PCDHGB3: variants seen among roughly 807,000 people sequenced by gnomAD.
PCDHGB3 encodes protocadherin gamma subfamily B, 3, also known as protocadherin gamma-B3.
PCDHGB3 carries 40 observed loss-of-function variants against 59.2 expected under a neutral mutation model. That is an observed-to-expected ratio of 0.68 (90% confidence interval 0.52 to 0.88). PCDHGB3 has a LOEUF of 0.88. PCDHGB3 is among the 40% of genes least tolerant of loss of function. The pLI is 0.00. For synonymous variants in PCDHGB3, 581 were observed against 503.6 expected, an observed-to-expected ratio of 1.15 and a Z score of -2.06; for missense variants, 1,309 against 1,187.9, an observed-to-expected ratio of 1.10 and a Z score of -1.50.
At chr5:141,380,975 T>C (rs1776901580) in intron 1 of PCDHGB3, among the ~76,000 whole-genome samples, 2 of 152,246 alleles carry the variant, frequency 1.3e-5, no homozygotes, top group Non-Finnish European at 2.9e-5. Flanking sequence ...ATTAAACAAA[T>C]AGAATTTAAC....
chr5:141,394,661 C>T (rs1471316947), intron 1 of PCDHGB3: 1 of 1,613,378 alleles, frequency 6.2e-7, no homozygotes, highest in Non-Finnish European at 8.5e-7. Flanking sequence ...AGCCGGGACT[C>T]TTCTCGGTGG....
intron 1 of PCDHGB3, among the ~76,000 whole-genome samples, chr5:141,386,528 T>G (rs1181319415): frequency 6.6e-6 from 1 of 152,148 alleles, no homozygotes; most frequent in African/African-American, 2.4e-5. Context: ...AAGACTCTTT[T>G]TAGACTAGTG....
intron 2 of PCDHGB3, among the ~76,000 whole-genome samples, chr5:141,503,269 C>T (rs1161751693): frequency 6.6e-6 from 1 of 152,116 alleles, no homozygotes; most frequent in Non-Finnish European, 1.5e-5. Flanking sequence ...ACCCCAGCAC[C>T]TGGCTCTGTG....
At chr5:141,390,432 C>A in intron 1 of PCDHGB3, 2 of 985,350 alleles carry the variant, frequency 2.0e-6, no homozygotes, top group Admixed American at 2.8e-5. Context: ...GCTGTCATAT[C>A]ATTCTACAAA....
At chr5:141,471,444 A>G (rs1366430114) in intron 1 of PCDHGB3, 1 of 152,150 alleles carries the variant, frequency 6.6e-6, no homozygotes, top group Non-Finnish European at 1.5e-5. Context: ...AATCTCATGT[A>G]CCTTTTGAAA....
At chr5:141,384,512 G>A (rs1780165876) in intron 1 of PCDHGB3, 1 of 1,614,062 alleles carries the variant, frequency 6.2e-7, no homozygotes, top group Admixed American at 1.7e-5. Context: ...CATGACAGCG[G>A]GGACCCGCCT....
At position 141,430,895 on chromosome 5, in the gene PCDHGB3, G is replaced by A. The variant is rs775296800; in HGVS notation, c.2415+58086G>A. 6.9e-6 allele frequency: 11 copies of A among 1,605,692 alleles called. No individual in the cohort carries two copies. The Admixed American group carries it at 1.0e-4, about 15-fold the overall frequency. ...AGAGCTGGAGAAAGGCTCTAGGGTG[G>A]GCGACATCTCCAGGGACCTGGGGCT... On this transcript the variant is annotated intron_variant, in intron 1 of 3. Coordinates refer to ENST00000576222, the MANE Select transcript of PCDHGB3 (RefSeq NM_018924.5).
chr5:141,462,418 T>A (rs1187388192), intron 1 of PCDHGB3, among the ~76,000 whole-genome samples: 2 of 152,250 alleles, frequency 1.3e-5, no homozygotes, highest in African/African-American at 2.4e-5. Context: ...ATATGGTCTA[T>A]CTTGGTGAGT....
At chr5:141,422,604 T>C in intron 1 of PCDHGB3, 1 of 1,614,030 alleles carries the variant, frequency 6.2e-7, no homozygotes, top group Non-Finnish European at 8.5e-7. Flanking sequence ...CCTCTTACTC[T>C]GCCTACATTC....
chr5:141,384,334 C>A (rs1779970411), intron 1 of PCDHGB3: 1 of 1,613,728 alleles, frequency 6.2e-7, no homozygotes, highest in African/African-American at 1.3e-5. Context: ...TGCACAGGAC[C>A]ACGACAGTGA....
At chr5:141,383,574 C>CG in intron 1 of PCDHGB3, 1 of 1,613,366 alleles carries the variant, frequency 6.2e-7, no homozygotes, top group African/African-American at 1.3e-5. Flanking sequence ...GATCCAGCAC[C>CG]GCCCACATCC....
At chr5:141,433,202 T>C (rs1433315739) in intron 1 of PCDHGB3, 2 of 1,578,202 alleles carry the variant, frequency 1.3e-6, no homozygotes, top group Non-Finnish European at 1.7e-6. Context: ...ATATCAAATC[T>C]TCTTTCTTTT....
intron 1 of PCDHGB3, chr5:141,399,976 CTGCGCACAGGAGAGG>C: frequency 1.2e-6 from 2 of 1,612,242 alleles, no homozygotes; most frequent in Non-Finnish European, 8.5e-7. Context: ...CAGCCTGGGG[CTGCGCACAGGAGAGG>C]TGCGCACAGC....
At chr5:141,461,603 G>A (rs1413122199) in intron 1 of PCDHGB3, among the ~76,000 whole-genome samples, 8 of 152,092 alleles carry the variant, frequency 5.3e-5, no homozygotes, top group African/African-American at 1.9e-4. Context: ...TTATAATTTA[G>A]TTCAAAGTAT....
chr5:141,481,694 C>A (rs2099542163), intron 1 of PCDHGB3, among the ~76,000 whole-genome samples: 1 of 152,130 alleles, frequency 6.6e-6, no homozygotes, highest in South Asian at 2.1e-4. Flanking sequence ...TGGCTCACGC[C>A]TGTAATCCCA....
At chr5:141,375,385 A>G in intron 1 of PCDHGB3, 3 of 1,614,012 alleles carry the variant, frequency 1.9e-6, no homozygotes, top group East Asian at 4.5e-5. Flanking sequence ...CTCTGTCTAC[A>G]GAAACAATCA....
rs1561863583 is a variant in PCDHGB3, at chr5:141,432,685, C to A, written c.2415+59876C>A. Reference sequence around the variant, plus strand: ...ACAGAGACGCGCTCAAGCAGAGCCTCGTAGTGGCCGTCCAGGACCACGGCC... The same window carrying A: ...ACAGAGACGCGCTCAAGCAGAGCCTAGTAGTGGCCGTCCAGGACCACGGCC... On this transcript the variant is annotated intron_variant, in intron 1 of 3. Transcript: ENST00000576222. The surrounding 1 kb of genome is among the most constrained non-coding windows in gnomAD (Gnocchi z 6.0). 3.7e-6 allele frequency: 6 copies of A among 1,613,932 alleles called. No individual in the cohort carries two copies. Among genetic ancestry groups the A allele is most frequent in the Non-Finnish European group, 5.1e-6 (6 of 1,179,966 alleles).
rs762121534 is a variant in PCDHGB3, at chr5:141,403,984, A to G, written c.2415+31175A>G. 1.7e-5 allele frequency: 27 copies of G among 1,613,774 alleles called. No homozygotes were observed. The South Asian group carries it at 2.7e-4, about 16-fold the overall frequency. On this transcript the variant is annotated intron_variant, in intron 1 of 3. Coordinates refer to ENST00000576222, the MANE Select transcript of PCDHGB3 (RefSeq NM_018924.5). Reference sequence around the variant, plus strand: ...CGGTGGAAGATGTAAATGACAATAGACCTGAAGTGACCATTACATCTCTGT... The same window carrying G: ...CGGTGGAAGATGTAAATGACAATAGGCCTGAAGTGACCATTACATCTCTGT...
rs371499368 is a variant in PCDHGB3 at position 141,414,269 on chromosome 5, C to T, written c.2415+41460C>T. The stretch of plus-strand genomic sequence containing the variant: ...TTTAGTCCAGTGACTGAAGATTCAC[C>T]TCTGGGAACAGTCGTAGCCCTTTTA... On this transcript the variant is annotated intron_variant, in intron 1 of 3. Coordinates refer to ENST00000576222, the MANE Select transcript of PCDHGB3 (RefSeq NM_018924.5). 8.1e-6 allele frequency: 13 copies of T among 1,613,266 alleles called. No homozygotes were observed. The African/African-American group carries it at 1.6e-4, about 20-fold the overall frequency.
Sources: gnomAD v4.1 joint callset for allele counts (sites outside exome capture counted in the v4.1 genomes callset) on GRCh38, gnomAD v4.1.1 for gene constraint, Gnocchi (gnomAD v3.1) non-coding constraint, MANE v1.5 for transcripts, NCBI Gene and HGNC (gene_info 2026-07-23, HGNC 2026-07-21) for gene names.